The following FABP7 variants were observed in gnomAD, a reference collection of about 807,000 sequenced individuals.
FABP7 encodes the protein fatty acid binding protein 7.
Under a neutral mutation model 14.2 loss-of-function variants are expected in FABP7, and 13 were observed. The observed-to-expected ratio is 0.91, with a 90% CI of 0.59 to 1.45. The LOEUF is 1.45. FABP7 is among the 40% of genes most tolerant of loss of function. The probability of loss-of-function intolerance (pLI) is 0.00; values close to 1 mark genes in which losing one functional copy is unlikely to be tolerated. For synonymous variants in FABP7, 49 were observed against 51.4 expected, an observed-to-expected ratio of 0.95 and a Z score of 0.20; for missense variants, 149 against 157.6, an observed-to-expected ratio of 0.95 and a Z score of 0.29.
At chr6:122,778,514 G>A (rs987903572), upstream of FABP7, among the ~76,000 whole-genome samples, 2 of 152,144 alleles carry the variant, frequency 1.3e-5, no homozygotes, top group South Asian at 2.1e-4. Flanking sequence ...AATTGGGAGG[G>A]GAGAGAGAAG....
the FABP7 span, among the ~76,000 whole-genome samples, chr6:122,764,464 C>A: frequency 6.6e-6 from 1 of 151,878 alleles, no homozygotes; most frequent in South Asian, 2.1e-4. Context: ...GTGCAGCACA[C>A]CAACATGGCA....
chr6:122,777,630 T>A (rs1205108860), upstream of FABP7, among the ~76,000 whole-genome samples: 4 of 152,078 alleles, frequency 2.6e-5, no homozygotes. Flanking sequence ...CATCCTTTTG[T>A]TAATATAAAA....
rs1237173793 is a variant in FABP7 at position 122,779,762 on chromosome 6, C to T, written c.-33C>T. On this transcript the variant is annotated 5_prime_UTR_variant, in exon 1 of 4. Transcript: ENST00000368444. ...AGTGGCAATTAGACCAGAAGATCCC[C>T]GCTCCTGTCTCTAAAGAGGGGAAAG... 4 of 1,608,954 alleles carry T rather than the reference C, an allele frequency of 2.5e-6. No individual in the cohort carries two copies. The highest frequency in any genetic ancestry group is 3.4e-6 in the Non-Finnish European group (4 of 1,175,774).
chr6:122,764,927 A>G, the FABP7 span, among the ~76,000 whole-genome samples: 1 of 152,210 alleles, frequency 6.6e-6, no homozygotes, highest in Non-Finnish European at 1.5e-5. Flanking sequence ...ATCAGACTTT[A>G]CTAATTTGCA....
the FABP7 span, among the ~76,000 whole-genome samples, chr6:122,758,397 C>T: frequency 1.2e-4 from 19 of 152,088 alleles, no homozygotes; most frequent in African/African-American, 4.6e-4. Flanking sequence ...TAAAATGAGA[C>T]TAAAAGACTG....
At chr6:122,762,748 C>T in the FABP7 span, among the ~76,000 whole-genome samples, 1 of 152,142 alleles carries the variant, frequency 6.6e-6, no homozygotes, top group African/African-American at 2.4e-5. Flanking sequence ...ACACAAATAA[C>T]AGACAAACAG....
chr6:122,778,561 C>T (rs1215479756), upstream of FABP7, among the ~76,000 whole-genome samples: 14 of 152,232 alleles, frequency 9.2e-5, no homozygotes, highest in East Asian at 2.1e-3. Context: ...CTGCTCTGTC[C>T]CCAGGAGAGG....
chr6:122,781,752 T>A, intron 3 of FABP7: 1 of 955,264 alleles, frequency 1.0e-6, no homozygotes, highest in Non-Finnish European at 1.2e-6. Context: ...TTTTTTTTTT[T>A]TTTTTTGAGA....
At chr6:122,782,459 T>C in intron 3 of FABP7, 10 of 904,192 alleles carry the variant, frequency 1.1e-5, no homozygotes, top group Non-Finnish European at 1.3e-5. Flanking sequence ...CAAGACTTTT[T>C]CCTCTGTTTT....
chr6:122,761,145 G>C, the FABP7 span, among the ~76,000 whole-genome samples: 1 of 152,086 alleles, frequency 6.6e-6, no homozygotes, highest in African/African-American at 2.4e-5. Context: ...TGAATCGTGA[G>C]AGCATCTAGA....
the FABP7 span, among the ~76,000 whole-genome samples, chr6:122,753,081 G>A: frequency 4.6e-5 from 7 of 152,164 alleles, no homozygotes; most frequent in Admixed American, 3.9e-4. Context: ...TTCTGTCTGC[G>A]AGACTAACCG....
the FABP7 span, among the ~76,000 whole-genome samples, chr6:122,759,737 A>G: frequency 6.6e-6 from 1 of 152,238 alleles, no homozygotes; most frequent in Non-Finnish European, 1.5e-5. Context: ...CCAAGCATAC[A>G]TGCTCTAAAT....
At chr6:122,778,403 C>G (rs115764984), upstream of FABP7, among the ~76,000 whole-genome samples, 5 of 152,098 alleles carry the variant, frequency 3.3e-5, no homozygotes, top group African/African-American at 1.2e-4. Flanking sequence ...CTTGAGACAC[C>G]GAAGAAGAAT....
upstream of FABP7, chr6:122,779,630 A>C: frequency 1.6e-6 from 1 of 638,340 alleles, no homozygotes; most frequent in Admixed American, 2.6e-5. Context: ...AAAGAGGGAC[A>C]CTGGAGGGGT....
At chr6:122,777,401 CA>C (rs1197840324), upstream of FABP7, among the ~76,000 whole-genome samples, 1 of 151,874 alleles carries the variant, frequency 6.6e-6, no homozygotes, top group African/African-American at 2.4e-5. Flanking sequence ...ATGCCCGCCT[CA>C]AAAAAACCCT....
At chr6:122,753,779 A>ACCCCCCACC in the FABP7 span, among the ~76,000 whole-genome samples, 1 of 78,572 alleles carries the variant, frequency 1.3e-5, no homozygotes. Flanking sequence ...TTGGGTCCAA[A>ACCCCCCACC]TCCCGCCCCC....
chr6:122,754,846 A>G, the FABP7 span, among the ~76,000 whole-genome samples: 1 of 151,882 alleles, frequency 6.6e-6, no homozygotes, highest in Non-Finnish European at 1.5e-5. Context: ...CCTCGCACCC[A>G]CACAGAAGAT....
At position 122,781,117 on chromosome 6, in the gene FABP7, A is replaced by T. The variant is rs1562339921; in HGVS notation, c.271A>T (p.Lys91Ter). 6.2e-7 allele frequency: 1 copy of T among 1,613,862 alleles called. No individual in the cohort carries two copies. The highest frequency in any genetic ancestry group is 2.2e-5 in the East Asian group (1 of 44,854). ...CKSVVSLDGD[K>*]LVHIQKWDGK... is the part of the protein sequence containing the mutation. The stretch of plus-strand genomic sequence containing the variant: ...GTCTGTTGTTAGCCTGGATGGAGAC[A>T]AACTTGTTCACATACAGAAATGGGA... Residue 91 changes from lysine (K) to a stop codon, truncating the protein, a stop_gained, in exon 3 of 4, where the codon AAA becomes TAA. Transcript: ENST00000368444. LOFTEE classifies it high-confidence loss of function.
upstream of FABP7, among the ~76,000 whole-genome samples, chr6:122,778,263 A>C (rs953395382): frequency 6.6e-6 from 1 of 152,204 alleles, no homozygotes; most frequent in African/African-American, 2.4e-5. Context: ...TTAGTGGTAA[A>C]GTATTAGAAA....
Sources: gnomAD v4.1 joint callset for allele counts (sites outside exome capture counted in the v4.1 genomes callset) on GRCh38, gnomAD v4.1.1 for gene constraint, MANE v1.5 for transcripts, NCBI Gene and HGNC (gene_info 2026-07-23, HGNC 2026-07-21) for gene names.